The following LGR6 variants were observed in gnomAD, a reference collection of about 807,000 sequenced individuals.
The protein encoded by LGR6 is leucine-rich repeat-containing G protein-coupled receptor 6.
A neutral mutation model predicts 69.4 loss-of-function variants in LGR6; 45 were observed. That is an observed-to-expected ratio of 0.65 (90% CI 0.51 to 0.83). The LOEUF is 0.83. Among genes scored for constraint, LGR6 ranks in the 40% least tolerant of loss-of-function variants. LGR6 has a pLI of 0.00. For synonymous variants in LGR6, 538 were observed against 555.0 expected (o/e 0.97, Z 0.43); for missense variants, 1,108 against 1,246.7 (o/e 0.89, Z 1.68).
intron 4 of LGR6, among the ~76,000 whole-genome samples, chr1:202,257,025 C>G (rs1316075182): frequency 1.3e-5 from 2 of 152,138 alleles, no homozygotes; most frequent in African/African-American, 2.4e-5. Context: ...GGAGAAATGT[C>G]TATTTAGATC....
intron 3 of LGR6, among the ~76,000 whole-genome samples, chr1:202,230,663 G>C (rs1195630079): frequency 6.6e-6 from 1 of 152,170 alleles, no homozygotes; most frequent in African/African-American, 2.4e-5. Flanking sequence ...TGTGTGTCAG[G>C]CTTCTCCAGT....
intron 1 of LGR6, among the ~76,000 whole-genome samples, chr1:202,203,432 A>T (rs1374809448): frequency 6.6e-6 from 1 of 152,172 alleles, no homozygotes. Context: ...CACTGTGTGG[A>T]TTCTGGCAAT....
intron 2 of LGR6, among the ~76,000 whole-genome samples, chr1:202,226,717 A>G (rs1416720819): frequency 6.6e-6 from 1 of 152,192 alleles, no homozygotes; most frequent in Non-Finnish European, 1.5e-5. Flanking sequence ...GTGGCCAGCA[A>G]GTCAGCAGGG....
intron 4 of LGR6, among the ~76,000 whole-genome samples, chr1:202,271,160 G>A (rs1335766138): frequency 6.6e-6 from 1 of 152,224 alleles, no homozygotes; most frequent in African/African-American, 2.4e-5. Context: ...CCAAGCCAGA[G>A]TCCATCAGGA....
chr1:202,272,743 C>T (rs1665206698), intron 4 of LGR6, among the ~76,000 whole-genome samples: 1 of 152,236 alleles, frequency 6.6e-6, no homozygotes, highest in African/African-American at 2.4e-5. Context: ...CATGTGTGAG[C>T]GTGCACATGC....
chr1:202,307,041 A>T, intron 13 of LGR6, 102 bp downstream of exon 13: 1 of 1,029,048 alleles, frequency 9.7e-7, no homozygotes, highest in Non-Finnish European at 1.5e-6. Flanking sequence ...AGCAAATGTG[A>T]CATGCACATC....
intron 4 of LGR6, among the ~76,000 whole-genome samples, chr1:202,273,852 AC>A (rs930531166): frequency 2.5e-4 from 38 of 152,032 alleles, no homozygotes; most frequent in Admixed American, 2.4e-3. Flanking sequence ...CATTCATGAC[AC>A]CCCTTTCCAT....
chr1:202,309,266 G>A, intron 15 of LGR6, 90 bp downstream of exon 15: 2 of 1,492,292 alleles, frequency 1.3e-6, no homozygotes, highest in Non-Finnish European at 1.8e-6. Context: ...ACCCTGAGAA[G>A]AGCCTAGAGG....
At chr1:202,194,705 C>CGAG in intron 1 of LGR6, 1 of 198,790 alleles carries the variant, frequency 5.0e-6, no homozygotes, top group South Asian at 3.6e-5. Flanking sequence ...TTCGTGGGGG[C>CGAG]GGGGGGGGCG....
At chr1:202,237,185 C>A (rs925923150) in intron 4 of LGR6, among the ~76,000 whole-genome samples, 6 of 152,182 alleles carry the variant, frequency 3.9e-5, no homozygotes, top group Non-Finnish European at 8.8e-5. Flanking sequence ...CAGCTTCTGC[C>A]CCCCCTTCCC....
At chr1:202,198,667 GGTTTTTTTTT>G (rs1558000763) in intron 1 of LGR6, among the ~76,000 whole-genome samples, 2 of 88,004 alleles carry the variant, frequency 2.3e-5, no homozygotes. Context: ...AGTAATTTTA[GGTTTTTTTTT>G]TTTTTTTTTT....
intron 4 of LGR6, among the ~76,000 whole-genome samples, chr1:202,274,748 C>G (rs1192974530): frequency 6.6e-6 from 1 of 152,176 alleles, no homozygotes; most frequent in South Asian, 2.1e-4. Flanking sequence ...CAGCCACAGA[C>G]CATCAAGGGT....
At chr1:202,316,167 A>G in intron 17 of LGR6, among the ~76,000 whole-genome samples, 1 of 152,190 alleles carries the variant, frequency 6.6e-6, no homozygotes, top group Non-Finnish European at 1.5e-5. Flanking sequence ...CAGAATACCT[A>G]AGGCTAGGTA....
At chr1:202,216,142 T>C (rs1162798843) in intron 1 of LGR6, among the ~76,000 whole-genome samples, 1 of 152,240 alleles carries the variant, frequency 6.6e-6, no homozygotes, top group Admixed American at 6.5e-5. Context: ...GACAAATGGC[T>C]GCATGACTAA....
chr1:202,313,124 G>A (rs1274226388), intron 16 of LGR6, among the ~76,000 whole-genome samples: 2 of 152,020 alleles, frequency 1.3e-5, no homozygotes, highest in Non-Finnish European at 2.9e-5. Flanking sequence ...CTGCTCAGGA[G>A]GCTGAGGCAG....
chr1:202,201,431 T>C (rs1658831163), intron 1 of LGR6, among the ~76,000 whole-genome samples: 1 of 152,248 alleles, frequency 6.6e-6, no homozygotes, highest in South Asian at 2.1e-4. Context: ...TTTATCTGCA[T>C]CATCTCACAT....
intron 4 of LGR6, among the ~76,000 whole-genome samples, chr1:202,270,053 G>A (rs1317777679): frequency 6.6e-6 from 1 of 152,110 alleles, no homozygotes; most frequent in East Asian, 1.9e-4. Flanking sequence ...TCCCAGAAAG[G>A]GTCCACTAGA....
chr1:202,274,759 G>T (rs114253664), intron 4 of LGR6, among the ~76,000 whole-genome samples: 10 of 152,208 alleles, frequency 6.6e-5, no homozygotes, highest in Non-Finnish European at 1.3e-4. Context: ...CATCAAGGGT[G>T]TGACGGCCAC....
At chr1:202,314,544 G>A (rs896710163) in intron 16 of LGR6, among the ~76,000 whole-genome samples, 3 of 152,184 alleles carry the variant, frequency 2.0e-5, no homozygotes, top group Non-Finnish European at 4.4e-5. Flanking sequence ...AGGACATAGA[G>A]CCCTGACTAA....
Sources: allele counts gnomAD v4.1 joint callset (sites outside exome capture counted in the v4.1 genomes callset), GRCh38; gene constraint gnomAD v4.1.1; transcripts MANE v1.5; gene names NCBI Gene and HGNC (gene_info 2026-07-23, HGNC 2026-07-21).